Variants in DNM3 observed in about 807,000 individuals in gnomAD.
DNM3 encodes the protein dynamin 3.
A neutral mutation model predicts 101.6 loss-of-function variants in DNM3; 47 were observed. That is an observed-to-expected ratio of 0.46 (90% CI 0.37 to 0.59). The LOEUF (loss-of-function observed/expected upper bound fraction) is 0.59, where lower values mean the gene tolerates loss of function less well. DNM3 is among the 20% of genes least tolerant of loss of function. The pLI, the probability that DNM3 is intolerant of heterozygous loss-of-function variation, is 0.00. For synonymous variants in DNM3, 385 were observed against 387.9 expected (o/e 0.99, Z 0.09); for missense variants, 849 against 1,085.7 (o/e 0.78, Z 3.06).
chr1:171,848,619 G>A (rs2032519861), intron 1 of DNM3, among the ~76,000 whole-genome samples: 1 of 152,138 alleles, frequency 6.6e-6, no homozygotes, highest in Admixed American at 6.6e-5. Flanking sequence ...TTAAACAAGT[G>A]GGTGAACTTT....
At chr1:171,896,818 GATACTAATTCGA>G (rs1418962455) in intron 1 of DNM3, among the ~76,000 whole-genome samples, 1 of 152,084 alleles carries the variant, frequency 6.6e-6, no homozygotes. Context: ...AAGAAGAGTA[GATACTAATTCGA>G]ATATATCCTA....
In DNM3 at chr1:171,970,487, G is replaced by A. The variant is rs116243884; in HGVS notation, c.236-17169G>A. Among the ~76,000 whole-genome samples the A allele has an allele frequency of 2.5e-3, 377 of 152,082 alleles. 7 individuals carry two copies. The highest frequency in any genetic ancestry group is 8.1e-3 in the African/African-American group (338 of 41,518). Reference sequence around the variant, plus strand: ...TTACATACTAACTTAGGTAACAAGCGTGTGTTAAGAATAAGTATATAAAAT... The same window carrying A: ...TTACATACTAACTTAGGTAACAAGCATGTGTTAAGAATAAGTATATAAAAT... On this transcript the variant is annotated intron_variant, in intron 2 of 20. Transcript: ENST00000627582.
intron 15 of DNM3, among the ~76,000 whole-genome samples, chr1:172,298,442 C>T (rs2064269238): frequency 6.6e-6 from 1 of 152,160 alleles, no homozygotes; most frequent in African/African-American, 2.4e-5. Context: ...AAAAACTTAG[C>T]CCCTCCACAC....
intron 1 of DNM3, among the ~76,000 whole-genome samples, chr1:171,857,710 G>A (rs1230432224): frequency 3.9e-5 from 6 of 152,144 alleles, no homozygotes; most frequent in African/African-American, 1.4e-4. Context: ...ATTCCCCACA[G>A]TATCTTGAAT....
intron 1 of DNM3, among the ~76,000 whole-genome samples, chr1:171,860,280 G>A (rs1462916106): frequency 2.6e-5 from 4 of 152,038 alleles, no homozygotes; most frequent in African/African-American, 4.8e-5. Flanking sequence ...GGTACATGAA[G>A]CTACTTTTTC....
At chr1:172,362,705 TA>T (rs1262984333) in intron 17 of DNM3, among the ~76,000 whole-genome samples, 5 of 151,832 alleles carry the variant, frequency 3.3e-5, no homozygotes, top group African/African-American at 1.2e-4. Flanking sequence ...CAGTATGACT[TA>T]TACTTTCTTT....
intron 1 of DNM3, among the ~76,000 whole-genome samples, chr1:171,850,125 G>C (rs2032751287): frequency 6.6e-6 from 1 of 152,206 alleles, no homozygotes; most frequent in African/African-American, 2.4e-5. Flanking sequence ...CAAGAGTATG[G>C]TCTGAGCCCA....
chr1:172,019,243 G>A (rs1401358788), intron 4 of DNM3, among the ~76,000 whole-genome samples: 1 of 150,166 alleles, frequency 6.7e-6, no homozygotes, highest in Non-Finnish European at 1.5e-5. Context: ...TGGTGCACCA[G>A]GATCTCCTTC....
chr1:172,254,369 C>T (rs569446445), intron 15 of DNM3, among the ~76,000 whole-genome samples: 21 of 152,098 alleles, frequency 1.4e-4, no homozygotes, highest in Non-Finnish European at 2.1e-4. Context: ...TCTTGAAGAG[C>T]GGACAAATTT....
intron 14 of DNM3, among the ~76,000 whole-genome samples, chr1:172,145,662 C>T (rs2148194376): frequency 6.6e-6 from 1 of 152,236 alleles, no homozygotes; most frequent in African/African-American, 2.4e-5. Flanking sequence ...AGAAACGTTA[C>T]AGTTTTTGTT....
intron 2 of DNM3, among the ~76,000 whole-genome samples, chr1:171,984,728 T>TC (rs1279153246): frequency 5.1e-4 from 78 of 152,246 alleles, no homozygotes; most frequent in Non-Finnish European, 2.8e-4. Context: ...AGACTTATTT[T>TC]CCCCCCTTAA....
chr1:172,257,488 A>G (rs1374601700), intron 15 of DNM3, among the ~76,000 whole-genome samples: 3 of 152,104 alleles, frequency 2.0e-5, no homozygotes, highest in Admixed American at 2.0e-4. Context: ...ATTTTGTGAC[A>G]GCCCTCTTCA....
chr1:171,921,755 C>T lies in DNM3; in HGVS notation c.169C>T (p.Leu57Phe), dbSNP rs1291452147. ...ATTTCTTACTTTTTTTAGGGACTTT[C>T]TCCCTCGAGGGTCGGGCATTGTAAC... ...VLENFVGRDF[L>F]PRGSGIVTRR... Residue 57 changes from leucine (L) to phenylalanine (F), a missense_variant, in exon 2 of 21, where the codon CTC becomes TTC. Around this residue, in one of 5 missense-constraint regions of DNM3, gnomAD observed 388 missense variants for 483.0 expected, o/e 0.80. Coordinates refer to ENST00000627582, the MANE Select transcript of DNM3 (RefSeq NM_015569.5). 15 of 1,589,642 alleles carry T rather than the reference C, an allele frequency of 9.4e-6. No individual in the cohort carries two copies. The highest frequency in any genetic ancestry group is 1.3e-5 in the African/African-American group (1 of 74,772).
intron 14 of DNM3, among the ~76,000 whole-genome samples, chr1:172,238,486 G>A (rs2061624875): frequency 6.6e-6 from 1 of 152,146 alleles, no homozygotes; most frequent in Non-Finnish European, 1.5e-5. Context: ...TAATTAATAA[G>A]AGTTTATTCT....
At chr1:172,031,173 C>A (rs575132057) in intron 4 of DNM3, among the ~76,000 whole-genome samples, 1 of 152,050 alleles carries the variant, frequency 6.6e-6, no homozygotes, top group African/African-American at 2.4e-5. Flanking sequence ...CAGTGATAGA[C>A]TGCTAAAGAA....
At chr1:172,180,718 G>A (rs1163656265) in intron 14 of DNM3, among the ~76,000 whole-genome samples, 6 of 152,048 alleles carry the variant, frequency 3.9e-5, no homozygotes, top group African/African-American at 1.4e-4. Context: ...TCTGTAGAGG[G>A]TTAGAGGAGA....
Position 172,379,193 on chromosome 1 carries a change from A to G in DNM3, c.2058+11A>G, listed in dbSNP as rs775284337. The G allele has an allele frequency of 2.5e-6, 4 of 1,591,486 alleles. No homozygotes were observed. Among genetic ancestry groups the G allele is most frequent in the Non-Finnish European group, 3.4e-6 (4 of 1,166,650 alleles). On this transcript the variant is annotated intron_variant, in intron 18 of 20. Coordinates refer to ENST00000627582, the MANE Select transcript of DNM3 (RefSeq NM_015569.5). Reference sequence around the variant, plus strand: ...CTTATGATCAATAACGTAAGTGATTATAAACTACCTCCATTTAACTTCTAA... The same window carrying G: ...CTTATGATCAATAACGTAAGTGATTGTAAACTACCTCCATTTAACTTCTAA...
chr1:172,385,852 C>T (rs10752943), intron 18 of DNM3, among the ~76,000 whole-genome samples: 72,131 of 151,978 alleles, frequency 0.47, 20,245 homozygotes, highest in East Asian at 0.87. Context: ...AAAATTCAAA[C>T]GGCTTATTTT....
intron 2 of DNM3, among the ~76,000 whole-genome samples, chr1:171,955,968 G>A (rs2042829233): frequency 6.6e-6 from 1 of 152,108 alleles, no homozygotes; most frequent in African/African-American, 2.4e-5. Context: ...ACTATCACGA[G>A]AACAGCATGA....
Sources: gnomAD v4.1 joint callset for allele counts (sites outside exome capture counted in the v4.1 genomes callset) on GRCh38, gnomAD v4.1.1 for gene constraint, gnomAD v4.1.1 regional missense constraint, MANE v1.5 for transcripts, NCBI Gene and HGNC (gene_info 2026-07-23, HGNC 2026-07-21) for gene names.